Variants in CATSPERE observed in about 807,000 individuals in gnomAD.
The protein encoded by CATSPERE is catsper channel auxiliary subunit epsilon.
A neutral mutation model predicts 114.1 loss-of-function variants in CATSPERE; 93 were observed. That is an observed-to-expected ratio of 0.81 (90% confidence interval 0.69 to 0.97). CATSPERE has a LOEUF of 0.97. Ranked by LOEUF, CATSPERE falls within the 50% of genes least tolerant of loss-of-function variation. CATSPERE has a pLI of 0.00. For missense variants in CATSPERE, 1,058 were observed against 1,131.6 expected (o/e 0.93, Z 0.93); for synonymous variants, 341 against 384.1 (o/e 0.89, Z 1.31).
Position 244,572,439 on chromosome 1 carries a change from A to T in CATSPERE, c.1617A>T (p.Arg539Ser). 6.2e-7 allele frequency: 1 copy of T among 1,611,864 alleles called. No individual in the cohort carries two copies. The highest frequency in any genetic ancestry group is 8.5e-7 in the Non-Finnish European group (1 of 1,177,908). ...KLHLWTNYTT[R>S]AFIFLSTSGQ... ...ATTTATGGACAAATTACACAACAAG[A>T]GCATTCATTTTCTTAAGTACATCTG... The change falls in exon 11 of 22, where the codon AGA becomes AGT. Residue 539 changes from arginine (R) to serine (S), a missense_variant. Physicochemically the swap from Arg to Ser is moderately radical, Grantham distance 110. This residue lies in a region of CATSPERE where 787 missense variants were observed against 905.6 expected (regional missense o/e 0.87). Transcript: ENST00000366534.
chr1:244,546,830 A>T (rs1659831137), intron 8 of CATSPERE, among the ~76,000 whole-genome samples: 1 of 152,184 alleles, frequency 6.6e-6, no homozygotes, highest in South Asian at 2.1e-4. Flanking sequence ...AGCCAGTGGG[A>T]TTTATGGAAC....
chr1:244,545,125 G>A (rs1487378820), intron 8 of CATSPERE, among the ~76,000 whole-genome samples: 1 of 152,098 alleles, frequency 6.6e-6, no homozygotes, highest in Non-Finnish European at 1.5e-5. Flanking sequence ...TAGATATATC[G>A]GTAGGACATT....
chr1:244,552,871 A>C (rs1453872681), intron 9 of CATSPERE, 57 bp downstream of exon 9: 1 of 923,890 alleles, frequency 1.1e-6, no homozygotes, highest in South Asian at 5.2e-5. Flanking sequence ...AAAGGTATTT[A>C]CCATACCATT....
intron 5 of CATSPERE, among the ~76,000 whole-genome samples, chr1:244,483,715 A>G (rs1216540123): frequency 6.6e-6 from 1 of 152,090 alleles, no homozygotes; most frequent in South Asian, 2.1e-4. Flanking sequence ...TTACTACTCC[A>G]TTATCACTTA....
intron 6 of CATSPERE, among the ~76,000 whole-genome samples, chr1:244,490,743 C>T (rs545595202): frequency 1.3e-5 from 2 of 151,976 alleles, no homozygotes; most frequent in East Asian, 1.9e-4. Context: ...AGATGATTAT[C>T]CAGCTGTCTT....
intron 8 of CATSPERE, among the ~76,000 whole-genome samples, chr1:244,518,899 T>G (rs546854933): frequency 6.6e-6 from 1 of 152,258 alleles, no homozygotes; most frequent in Non-Finnish European, 1.5e-5. Context: ...ACAATTTGTG[T>G]CCATACATAA....
intron 10 of CATSPERE, among the ~76,000 whole-genome samples, chr1:244,571,568 G>A (rs1356518506): frequency 3.3e-5 from 5 of 152,178 alleles, no homozygotes; most frequent in African/African-American, 1.2e-4. Flanking sequence ...TGCAGAGGTA[G>A]GCTATGCTTT....
At chr1:244,505,412 CAT>C (rs1184073570) in intron 7 of CATSPERE, among the ~76,000 whole-genome samples, 1 of 152,146 alleles carries the variant, frequency 6.6e-6, no homozygotes, top group Non-Finnish European at 1.5e-5. Flanking sequence ...AGCAAGGAAA[CAT>C]ATATGTGTGT....
At chr1:244,460,364 G>A (rs1255294235), upstream of CATSPERE, among the ~76,000 whole-genome samples, 2 of 152,048 alleles carry the variant, frequency 1.3e-5, no homozygotes, top group Non-Finnish European at 2.9e-5. Flanking sequence ...GGATCAGCTG[G>A]CACCACCCAG....
chr1:244,629,503 CTTT>C (rs369560104), intron 20 of CATSPERE, among the ~76,000 whole-genome samples: 9 of 82,300 alleles, frequency 1.1e-4, no homozygotes, highest in African/African-American at 3.4e-4. Flanking sequence ...TCTCTCTTAC[CTTT>C]TTTTTTTTTT....
intron 13 of CATSPERE, among the ~76,000 whole-genome samples, chr1:244,588,148 C>T (rs575662170): frequency 6.7e-6 from 1 of 148,506 alleles, no homozygotes; most frequent in South Asian, 2.1e-4. Context: ...GAGCTGAGAT[C>T]GCACCACTGC....
At chr1:244,627,672 G>A (rs776369459) in intron 20 of CATSPERE, among the ~76,000 whole-genome samples, 7 of 152,144 alleles carry the variant, frequency 4.6e-5, no homozygotes, top group South Asian at 2.1e-4. Flanking sequence ...TGTTAATCCC[G>A]TGTTGAGCAA....
intron 5 of CATSPERE, among the ~76,000 whole-genome samples, chr1:244,487,025 C>T (rs1441852794): frequency 6.7e-6 from 1 of 148,890 alleles, no homozygotes; most frequent in Non-Finnish European, 1.5e-5. Flanking sequence ...ATGTGGGGTA[C>T]TCGTGGGCCA....
intron 17 of CATSPERE, 95 bp from the exon 18 acceptor site, chr1:244,605,600 G>A: frequency 1.4e-6 from 1 of 718,138 alleles, no homozygotes; most frequent in Non-Finnish European, 2.4e-6. Context: ...ATAAAGACAG[G>A]ATTTAAACCT....
intron 4 of CATSPERE, among the ~76,000 whole-genome samples, chr1:244,478,690 A>C (rs1262330557): frequency 6.6e-6 from 1 of 152,218 alleles, no homozygotes. Context: ...TATGATGTGA[A>C]ACATATTTGA....
Position 244,499,036 on chromosome 1 carries a change from C to A in CATSPERE, c.386C>A (p.Ala129Glu), listed in dbSNP as rs1434458615. ...ITVWAYDPES[A>E]DPDELLGNAE... ...GTGTGGGCATATGATCCAGAAAGTGCAGATCCTGATGAGTTGCTGGGGAAT... is the reference window on the plus strand; with the variant it reads ...GTGTGGGCATATGATCCAGAAAGTGAAGATCCTGATGAGTTGCTGGGGAAT... The change falls in exon 7 of 22, where the codon GCA becomes GAA. Residue 129 changes from alanine to glutamate, a missense_variant. This residue lies in a region of CATSPERE where 271 missense variants were observed against 225.9 expected (regional missense o/e 1.20). Transcript: ENST00000366534. 6.2e-7 allele frequency: 1 copy of A among 1,612,682 alleles called. No homozygotes were observed.
intron 20 of CATSPERE, among the ~76,000 whole-genome samples, chr1:244,621,046 AT>A (rs1672058208): frequency 1.5e-5 from 1 of 66,242 alleles, no homozygotes; most frequent in African/African-American, 8.4e-5. Flanking sequence ...TAAAATATAT[AT>A]ATAAATATAT....
rs1250174786 is a variant in CATSPERE, at chr1:244,621,311, A to ATT, written c.2648+3626_2648+3627insTT. On this transcript the variant is annotated intron_variant, in intron 20 of 21. Coordinates refer to ENST00000366534, the MANE Select transcript of CATSPERE (RefSeq NM_001130957.2). The stretch of plus-strand genomic sequence containing the variant: ...TATATCTATATAAATATATAAATAT[A>ATT]TAAAATATATATATATATATATATA... Among the ~76,000 whole-genome samples the ATT allele has an allele frequency of 4.1e-4, 36 of 87,816 alleles. 2 individuals are homozygous for ATT. The highest frequency in any genetic ancestry group is 1.6e-3 in the African/African-American group (32 of 19,538). The allele number at this position is 87,816 out of a possible 152,430, so 57.6% of individuals were successfully genotyped here. A position where few individuals can be genotyped will look rare whatever the true frequency, so the allele number is the denominator to read the frequency against.
chr1:244,508,123 T>C (rs1675098422), intron 7 of CATSPERE, among the ~76,000 whole-genome samples: 1 of 152,076 alleles, frequency 6.6e-6, no homozygotes, highest in South Asian at 2.1e-4. Context: ...TTTCCATTTG[T>C]TTATGTCATC....
Sources: allele counts gnomAD v4.1 joint callset (sites outside exome capture counted in the v4.1 genomes callset), GRCh38; gene constraint gnomAD v4.1.1; regional missense constraint gnomAD v4.1.1; transcripts MANE v1.5; gene names NCBI Gene and HGNC (gene_info 2026-07-23, HGNC 2026-07-21).